Variants in DZIP1L observed in about 807,000 individuals in gnomAD.
DZIP1L encodes the protein DAZ interacting zinc finger protein 1 like.
In DZIP1L, 90 loss-of-function variants were observed where a neutral mutation model predicts 88.7. The observed-to-expected ratio is 1.02, with a 90% CI of 0.86 to 1.21. The LOEUF (loss-of-function observed/expected upper bound fraction) is 1.21. Ranked by LOEUF, DZIP1L falls within the 50% of genes most tolerant of loss-of-function variation. The pLI is 0.00. For missense variants in DZIP1L, 932 were observed against 955.8 expected (o/e 0.98, Z 0.33); for synonymous variants, 363 against 372.1 (o/e 0.98, Z 0.28).
intron 11 of DZIP1L, among the ~76,000 whole-genome samples, chr3:138,075,608 G>A (rs1372627291): frequency 2.6e-5 from 4 of 152,222 alleles, no homozygotes; most frequent in African/African-American, 4.8e-5. Flanking sequence ...TTGACTGAAC[G>A]ATAATAGTGA....
At chr3:138,109,855 A>G (rs2042588836) in intron 1 of DZIP1L, among the ~76,000 whole-genome samples, 1 of 152,244 alleles carries the variant, frequency 6.6e-6, no homozygotes, top group Admixed American at 6.5e-5. Flanking sequence ...AAATTAACAC[A>G]GGAACAGAAA....
intron 10 of DZIP1L, among the ~76,000 whole-genome samples, chr3:138,079,397 T>C (rs1559834766): frequency 6.6e-6 from 1 of 152,172 alleles, no homozygotes; most frequent in African/African-American, 2.4e-5. Flanking sequence ...ACTGGTTAAA[T>C]AAATTTTAGT....
At chr3:138,076,618 G>A (rs1388084636) in intron 11 of DZIP1L, among the ~76,000 whole-genome samples, 6 of 152,210 alleles carry the variant, frequency 3.9e-5, no homozygotes, top group Non-Finnish European at 8.8e-5. Flanking sequence ...CTGCAACCTG[G>A]ATGGAATTGG....
At chr3:138,070,784 C>T (rs1943143595) in intron 12 of DZIP1L, among the ~76,000 whole-genome samples, 1 of 152,160 alleles carries the variant, frequency 6.6e-6, no homozygotes, top group Non-Finnish European at 1.5e-5. Flanking sequence ...CCACATGTGT[C>T]CCTGACTGAG....
chr3:138,102,523 G>C, intron 2 of DZIP1L: 1 of 1,352,654 alleles, frequency 7.4e-7, no homozygotes, highest in Non-Finnish European at 1.1e-6. Context: ...TTAACTCTGA[G>C]CCGTCTTCTG....
chr3:138,068,949 G>A (rs1475257222), intron 12 of DZIP1L: 10 of 1,256,972 alleles, frequency 8.0e-6, no homozygotes, highest in Non-Finnish European at 1.0e-5. Context: ...AGAAGAGAGA[G>A]AGTGCATCAC....
intron 8 of DZIP1L, among the ~76,000 whole-genome samples, chr3:138,082,847 G>C (rs1198438247): frequency 1.3e-5 from 2 of 152,240 alleles, no homozygotes; most frequent in African/African-American, 4.8e-5. Flanking sequence ...GTCTTGGGAA[G>C]GGACCTTTTC....
intron 1 of DZIP1L, among the ~76,000 whole-genome samples, chr3:138,107,987 C>A (rs1409628544): frequency 6.6e-6 from 1 of 152,148 alleles, no homozygotes; most frequent in Non-Finnish European, 1.5e-5. Context: ...TAAGCACCCC[C>A]ACCATGGCCA....
intron 1 of DZIP1L, chr3:138,112,361 T>C (rs2042632546): frequency 6.6e-6 from 1 of 152,176 alleles, no homozygotes; most frequent in Admixed American, 6.5e-5. Context: ...GAAATTACAA[T>C]ACCTGAGTTT....
chr3:138,067,654 G>C lies in DZIP1L; in HGVS notation c.1879C>G (p.Gln627Glu). The change falls in exon 14 of 16, where the codon CAG (glutamine) becomes GAG (glutamate). Residue 627 changes from glutamine (Q) to glutamate (E), a missense_variant. Physicochemically the swap from Gln to Glu is conservative, Grantham distance 29. Coordinates refer to ENST00000327532, the MANE Select transcript of DZIP1L (RefSeq NM_173543.3). ...TTTGGGGGCTGTAGAGACACACGCTGCACACGGTCTCCCTCTGAGTCCTCT... is the reference window on the plus strand; with the variant it reads ...TTTGGGGGCTGTAGAGACACACGCTCCACACGGTCTCCCTCTGAGTCCTCT... Reference protein sequence around the residue: ...SEEDSEGDRVQRVSLQPPKVP... With the variant: ...SEEDSEGDRVERVSLQPPKVP... The C allele has an allele frequency of 6.2e-7, 1 of 1,608,520 alleles. No homozygotes were observed. The highest frequency in any genetic ancestry group is 8.5e-7 in the Non-Finnish European group (1 of 1,177,506).
intron 1 of DZIP1L, among the ~76,000 whole-genome samples, chr3:138,111,705 C>T (rs757305170): frequency 3.3e-5 from 5 of 152,064 alleles, no homozygotes; most frequent in African/African-American, 9.7e-5. Flanking sequence ...CATTATAAGA[C>T]GGAGCAGGGC....
At position 138,062,855 on chromosome 3, in the gene DZIP1L, A is replaced by C. The variant is rs1942752941; in HGVS notation, c.2265T>G (p.Gly755=). The C allele has an allele frequency of 1.2e-6, 2 of 1,614,050 alleles. No homozygotes were observed. The highest frequency in any genetic ancestry group is 1.3e-5 in the African/African-American group (1 of 74,922). ...CCCTGGGTTGGCCAGAGCTCTGTGG[A>C]CCAGTGCCAAACTTCTCTGGGAGCT... ...RSKLPEKFGT[G]PQSSGQPRVP... is the part of the protein sequence containing the mutation. Residue 755 remains glycine, a synonymous_variant, in exon 16 of 16, where the codon GGT becomes GGG. Coordinates refer to ENST00000327532, the MANE Select transcript of DZIP1L (RefSeq NM_173543.3).
chr3:138,067,828 G>A, intron 13 of DZIP1L, 128 bp from the exon 14 acceptor site: 1 of 1,135,974 alleles, frequency 8.8e-7, no homozygotes. Flanking sequence ...CTCAGGCCCA[G>A]AAGACAGCCA....
At chr3:138,093,176 G>T (rs1259067665) in intron 4 of DZIP1L, among the ~76,000 whole-genome samples, 3 of 152,236 alleles carry the variant, frequency 2.0e-5, no homozygotes, top group Non-Finnish European at 4.4e-5. Context: ...TACATGGGCT[G>T]CAGAATGGAT....
intron 6 of DZIP1L, among the ~76,000 whole-genome samples, chr3:138,087,287 T>C (rs1340108359): frequency 6.6e-6 from 1 of 151,948 alleles, no homozygotes; most frequent in Admixed American, 6.6e-5. Context: ...TAAAGCAAAA[T>C]AAATTGTAGG....
chr3:138,073,354 A>G (rs1057335850), intron 11 of DZIP1L, among the ~76,000 whole-genome samples: 1 of 152,150 alleles, frequency 6.6e-6, no homozygotes, highest in African/African-American at 2.4e-5. Flanking sequence ...GTGCTGGAAT[A>G]GTATCCACGG....
intron 4 of DZIP1L, among the ~76,000 whole-genome samples, chr3:138,093,101 C>T (rs932534043): frequency 6.6e-6 from 1 of 152,172 alleles, no homozygotes; most frequent in Non-Finnish European, 1.5e-5. Context: ...CTATCTATGA[C>T]AGCTATAACC....
intron 11 of DZIP1L, 71 bp from the exon 12 acceptor site, chr3:138,071,906 CCTG>C (rs1180885186): frequency 2.7e-5 from 38 of 1,429,272 alleles, no homozygotes; most frequent in South Asian, 5.4e-5. Context: ...GCCTCTCACA[CCTG>C]CTGCTGCTGG....
intron 1 of DZIP1L, 30 bp from the exon 2 acceptor site, chr3:138,104,082 G>C: frequency 6.7e-7 from 1 of 1,488,512 alleles, no homozygotes; most frequent in Non-Finnish European, 8.8e-7. Context: ...TCCAAGTTAG[G>C]TGAGGTGTGT....
Sources: gnomAD v4.1 joint callset for allele counts (sites outside exome capture counted in the v4.1 genomes callset) on GRCh38, gnomAD v4.1.1 for gene constraint, MANE v1.5 for transcripts, NCBI Gene and HGNC (gene_info 2026-07-23, HGNC 2026-07-21) for gene names.